Variants in BCAS3 observed in about 807,000 individuals in gnomAD.
BCAS3 encodes the protein BCAS4/BCAS3 fusion.
In BCAS3, 53 loss-of-function variants were observed where a neutral mutation model predicts 116.1. That is an observed-to-expected ratio of 0.46 (90% CI 0.37 to 0.57). The LOEUF (loss-of-function observed/expected upper bound fraction) is 0.57. BCAS3 is among the 20% of genes least tolerant of loss of function. The pLI is 0.00. For synonymous variants in BCAS3, 391 were observed against 408.2 expected, an observed-to-expected ratio of 0.96 and a Z score of 0.51; for missense variants, 917 against 1,165.4, an observed-to-expected ratio of 0.79 and a Z score of 3.10.
Position 61,041,831 on chromosome 17 carries a change from AT to A in BCAS3, c.2029+941del, listed in dbSNP as rs2067534717. 6.6e-6 allele frequency among the ~76,000 whole-genome samples: 1 copy of A among 151,952 alleles called. No individual in the cohort carries two copies. The highest frequency in any genetic ancestry group is 1.5e-5 in the Non-Finnish European group (1 of 67,962). On this transcript the variant is annotated intron_variant, in intron 19 of 23. Transcript: ENST00000407086. This position sits in a 1 kb window ranked among gnomAD's most constrained non-coding sequence, Gnocchi z 4.7. The stretch of plus-strand genomic sequence containing the variant: ...GTTGGCAGTCTTGCTCTCTCATATT[AT>A]TGTTGAACTCTCTGCTTTTTCTAGG...
chr17:61,045,962 TATA>T (rs1160012517), intron 19 of BCAS3, among the ~76,000 whole-genome samples: 16 of 11,134 alleles, frequency 1.4e-3, no homozygotes, highest in South Asian at 2.9e-3. Flanking sequence ...TAAATATATA[TATA>T]ATATATATAT....
rs552545596 is a variant in BCAS3 at position 61,082,672 on chromosome 17, C to T, written c.2328-1795C>T. Among the ~76,000 whole-genome samples, 1 of 152,292 alleles carries T rather than the reference C, an allele frequency of 6.6e-6. No individual in the cohort carries two copies. Among genetic ancestry groups the T allele is most frequent in the South Asian group, 2.1e-4 (1 of 4,822 alleles). ...TCTCAAGAACAAGGAAACTTCTTTTCCAGACACTTTAAATAAACTTCTCTT... is the reference window on the plus strand; with the variant it reads ...TCTCAAGAACAAGGAAACTTCTTTTTCAGACACTTTAAATAAACTTCTCTT... On this transcript the variant is annotated intron_variant, in intron 21 of 23. Transcript: ENST00000407086. This position sits in a 1 kb window ranked among gnomAD's most constrained non-coding sequence, Gnocchi z 5.1.
intron 22 of BCAS3, among the ~76,000 whole-genome samples, chr17:61,306,823 T>C (rs1426416177): frequency 1.3e-5 from 2 of 152,240 alleles, no homozygotes; most frequent in African/African-American, 4.8e-5. Context: ...CTCTTTTCTT[T>C]AAAATATTTC....
rs1446944269 is a variant in BCAS3, at chr17:60,964,151, G to A, written c.1221+16799G>A. ...AAGGCCTTCATTTTTTCCCTGTTCCGTATGATGGTAGCTGTGGATTTGTCA... is the reference window on the plus strand; with the variant it reads ...AAGGCCTTCATTTTTTCCCTGTTCCATATGATGGTAGCTGTGGATTTGTCA... On this transcript the variant is annotated intron_variant, in intron 14 of 23. Transcript: ENST00000407086. The surrounding 1 kb of genome is among the most constrained non-coding windows in gnomAD (Gnocchi z 4.6). Among the ~76,000 whole-genome samples the A allele has an allele frequency of 2.6e-5, 4 of 152,064 alleles. No homozygotes were observed. The highest frequency in any genetic ancestry group is 5.9e-5 in the Non-Finnish European group (4 of 68,016).
intron 10 of BCAS3, among the ~76,000 whole-genome samples, chr17:60,892,726 G>A (rs2057254356): frequency 6.6e-6 from 1 of 152,004 alleles, no homozygotes; most frequent in South Asian, 2.1e-4. Flanking sequence ...TTCGAGACCA[G>A]CCTGGCCAAC....
Position 60,990,277 on chromosome 17 carries a change from C to T in BCAS3, c.1486+42C>T. On this transcript the variant is annotated intron_variant, in intron 15 of 23. Transcript: ENST00000407086. This position sits in a 1 kb window ranked among gnomAD's most constrained non-coding sequence, Gnocchi z 5.1. Reference sequence around the variant, plus strand: ...CCACTGTTATCTTGAATCTTCCTTCCCTTTGTCCTTATTTTTACAGATCTG... The same window carrying T: ...CCACTGTTATCTTGAATCTTCCTTCTCTTTGTCCTTATTTTTACAGATCTG... 1.3e-6 allele frequency: 2 copies of T among 1,590,630 alleles called. No individual in the cohort carries two copies. The highest frequency in any genetic ancestry group is 1.7e-6 in the Non-Finnish European group (2 of 1,163,990).
rs1600572733 is a variant in BCAS3, at chr17:61,026,378, T to G, written c.1638-8288T>G. On this transcript the variant is annotated intron_variant, in intron 16 of 23. Transcript: ENST00000407086. This position sits in a 1 kb window ranked among gnomAD's most constrained non-coding sequence, Gnocchi z 5.0. ...TTCAACTTACGACAAATAAGCAGCT[T>G]GAAAAATATGTGCCTCTTTCTGTGG... 6.6e-6 allele frequency among the ~76,000 whole-genome samples: 1 copy of G among 152,188 alleles called. No homozygotes were observed. Among genetic ancestry groups the G allele is most frequent in the East Asian group, 1.9e-4 (1 of 5,184 alleles).
intron 15 of BCAS3, among the ~76,000 whole-genome samples, chr17:61,014,664 G>A (rs575772365): frequency 6.6e-6 from 1 of 151,980 alleles, no homozygotes; most frequent in African/African-American, 2.4e-5. Flanking sequence ...AAAAAAAAGG[G>A]CATCTAGACT....
chr17:61,179,122 A>C (rs1428759669), intron 22 of BCAS3, among the ~76,000 whole-genome samples: 2 of 152,116 alleles, frequency 1.3e-5, no homozygotes, highest in Non-Finnish European at 2.9e-5. Flanking sequence ...TAGAAAACTT[A>C]CACCCAGGTA....
intron 6 of BCAS3, among the ~76,000 whole-genome samples, chr17:60,761,124 G>A (rs2043484746): frequency 6.6e-6 from 1 of 151,746 alleles, no homozygotes; most frequent in Admixed American, 6.6e-5. Context: ...TTGTTTTTCT[G>A]ATTTTTCTGT....
Position 60,770,528 on chromosome 17 carries a change from C to T in BCAS3, c.403+23249C>T, listed in dbSNP as rs1348432011. Among the ~76,000 whole-genome samples, 8 of 141,288 alleles carry T rather than the reference C, an allele frequency of 5.7e-5. No homozygotes were observed. The Admixed American group carries it at 6.3e-4, about 11-fold the overall frequency. 92.7% of individuals were successfully genotyped at this position (141,288 alleles called of 152,430 possible). A position where few individuals can be genotyped will look rare whatever the true frequency, so the allele number is the denominator to read the frequency against. On this transcript the variant is annotated intron_variant, in intron 6 of 23. Coordinates refer to ENST00000407086, the MANE Select transcript of BCAS3 (RefSeq NM_017679.5). Reference sequence around the variant, plus strand: ...CCGACTCCCTGGTTGAAACGATTTTCTTGCCTCAGCCTCCCGAGTAGCTGG... The same window carrying T: ...CCGACTCCCTGGTTGAAACGATTTTTTTGCCTCAGCCTCCCGAGTAGCTGG...
At chr17:60,929,940 G>T (rs2059561186) in intron 13 of BCAS3, among the ~76,000 whole-genome samples, 1 of 151,804 alleles carries the variant, frequency 6.6e-6, no homozygotes, top group Non-Finnish European at 1.5e-5. Flanking sequence ...TGGTGTATAT[G>T]TGCCACATTT....
chr17:61,284,401 C>T (rs1490969301), intron 22 of BCAS3, among the ~76,000 whole-genome samples: 4 of 152,110 alleles, frequency 2.6e-5, no homozygotes, highest in Admixed American at 6.5e-5. Flanking sequence ...ATGAAGTCAG[C>T]GAGACCACGA....
intron 16 of BCAS3, among the ~76,000 whole-genome samples, chr17:61,031,157 G>GA (rs900853057): frequency 1.3e-5 from 2 of 151,960 alleles, no homozygotes; most frequent in African/African-American, 4.8e-5. Flanking sequence ...TTTTGGAGGA[G>GA]AAAGGGAGAT....
rs772900751 is a variant in BCAS3, at chr17:60,754,680, TACACACACACACACACACACACACACAC to T, written c.403+7435_403+7462del. Among the ~76,000 whole-genome samples the T allele has an allele frequency of 9.0e-3, 1,304 of 145,474 alleles. 25 individuals carry two copies. The highest frequency in any genetic ancestry group is 0.033 in the African/African-American group (1,237 of 36,932). The stretch of plus-strand genomic sequence containing the variant: ...AGAAATGCAGATGTAAAATTTAAAA[TACACACACACACACACACACACACACAC>T]ACACACACACACACACACACACACA... On this transcript the variant is annotated intron_variant, in intron 6 of 23. Transcript: ENST00000407086.
chr17:60,970,716 T>TA (rs879846726), intron 14 of BCAS3, among the ~76,000 whole-genome samples: 4 of 152,080 alleles, frequency 2.6e-5, no homozygotes, highest in Non-Finnish European at 4.4e-5. Context: ...AAAAATAAAA[T>TA]AAATGTATGC....
chr17:61,282,475 T>C lies in BCAS3; in HGVS notation c.2426-85852T>C, dbSNP rs929460225. Among the ~76,000 whole-genome samples the C allele has an allele frequency of 1.3e-5, 2 of 152,188 alleles. No individual in the cohort carries two copies. Among genetic ancestry groups the C allele is most frequent in the African/African-American group, 4.8e-5 (2 of 41,438 alleles). ...TATTCCAGGACAGAGAGTTCACTTT[T>C]ATTGGGCTGAAAGAGTTCAAAGGCA... On this transcript the variant is annotated intron_variant, in intron 22 of 23. Transcript: ENST00000407086. This position sits in a 1 kb window ranked among gnomAD's most constrained non-coding sequence, Gnocchi z 5.9.
intron 22 of BCAS3, among the ~76,000 whole-genome samples, chr17:61,283,331 C>T (rs993993630): frequency 2.0e-5 from 3 of 152,128 alleles, no homozygotes; most frequent in African/African-American, 4.8e-5. Context: ...CTTTATGTTA[C>T]GTTTAGCTCA....
chr17:61,331,380 A>G (rs2056274421), intron 22 of BCAS3, among the ~76,000 whole-genome samples: 1 of 152,142 alleles, frequency 6.6e-6, no homozygotes, highest in South Asian at 2.1e-4. Flanking sequence ...GGAGCTTCCA[A>G]AATTTCTTTG....
Sources: allele counts gnomAD v4.1 joint callset (sites outside exome capture counted in the v4.1 genomes callset), GRCh38; gene constraint gnomAD v4.1.1; non-coding constraint Gnocchi (gnomAD v3.1); transcripts MANE v1.5; gene names NCBI Gene and HGNC (gene_info 2026-07-23, HGNC 2026-07-21).